DOCK5: variants seen among roughly 807,000 people sequenced by gnomAD.
DOCK5 encodes dedicator of cytokinesis protein 5.
Under a neutral mutation model 251.8 loss-of-function variants are expected in DOCK5, and 142 were observed. The observed-to-expected ratio is 0.56, with a 90% CI of 0.49 to 0.65. The LOEUF (loss-of-function observed/expected upper bound fraction) is 0.65, where lower values mean the gene tolerates loss of function less well. Ranked by LOEUF, DOCK5 falls within the 30% of genes least tolerant of loss-of-function variation. The pLI is 0.00. For synonymous variants in DOCK5, 842 were observed against 835.5 expected (o/e 1.01, Z -0.13); for missense variants, 2,111 against 2,312.3 (o/e 0.91, Z 1.79).
Position 25,209,444 on chromosome 8 carries a change from A to G in DOCK5, c.43+24493A>G, listed in dbSNP as rs374344682. 7.1e-5 allele frequency among the ~76,000 whole-genome samples: 5 copies of G among 70,434 alleles called. 2 individuals carry two copies. Among genetic ancestry groups the G allele is most frequent in the Admixed American group, 6.3e-4 (4 of 6,334 alleles). The allele number at this position is 70,434 out of a possible 152,430, so 46.2% of individuals were successfully genotyped here. ...ATCAGCACATGTGAATTCTGCTTCAAACTCTGCCACTAACCAGCTATTTGA... is the reference window on the plus strand; with the variant it reads ...ATCAGCACATGTGAATTCTGCTTCAGACTCTGCCACTAACCAGCTATTTGA... On this transcript the variant is annotated intron_variant, in intron 1 of 51. Transcript: ENST00000276440.
intron 3 of DOCK5, among the ~76,000 whole-genome samples, chr8:25,274,751 T>C (rs544469386): frequency 6.6e-6 from 1 of 152,268 alleles, no homozygotes; most frequent in South Asian, 2.1e-4. Flanking sequence ...AATCACTATG[T>C]AGTTGACCCG....
rs1800717469 is a variant in DOCK5, at chr8:25,363,160, G to C, written c.3044+19G>C. ...AAAACAGGTGAGACAGCCCATGGCT[G>C]GCCCTGAGGCATTTGTCTGAATACC... On this transcript the variant is annotated intron_variant, in intron 29 of 51. Transcript: ENST00000276440. 1.2e-6 allele frequency: 2 copies of C among 1,604,810 alleles called. No homozygotes were observed. The highest frequency in any genetic ancestry group is 1.7e-6 in the Non-Finnish European group (2 of 1,172,014).
rs766601059 is a variant in DOCK5 at position 25,391,505 on chromosome 8, G to T, written c.4356-391G>T. On this transcript the variant is annotated intron_variant, in intron 42 of 51. Transcript: ENST00000276440. Reference sequence around the variant, plus strand: ...ACAAAAAAATTAGCCAGTCGTGATGGTGCGTGCTTGTAATCTCGGCTACTC... The same window carrying T: ...ACAAAAAAATTAGCCAGTCGTGATGTTGCGTGCTTGTAATCTCGGCTACTC... Among the ~76,000 whole-genome samples, 127 of 152,186 alleles carry T rather than the reference G, an allele frequency of 8.3e-4. 1 individual carries two copies. The highest frequency in any genetic ancestry group is 3.4e-3 in the Middle Eastern group (1 of 294).
intron 1 of DOCK5, among the ~76,000 whole-genome samples, chr8:25,200,975 C>T (rs36069016): frequency 0.62 from 94,665 of 151,824 alleles, 32,253 homozygotes; most frequent in Non-Finnish European, 0.76. Context: ...GGTGCAATCT[C>T]GGCTCACTGC....
intron 1 of DOCK5, among the ~76,000 whole-genome samples, chr8:25,201,416 G>C (rs1019910339): frequency 4.6e-5 from 7 of 152,228 alleles, no homozygotes; most frequent in African/African-American, 1.7e-4. Context: ...TAGTCTAACA[G>C]TATCACTAAC....
chr8:25,296,591 C>G lies in DOCK5; in HGVS notation c.549C>G (p.Leu183=). Residue 183 remains leucine, a synonymous_variant, in exon 7 of 52, where the codon CTC becomes CTG. Transcript: ENST00000276440. ...CTGACGAAACCAGCACCATTGCCCT[C>G]TTCAAGGCCCATGAGGTGGCCTCCA... is the stretch of plus-strand genomic sequence containing the variant. ...LDPDETSTIA[L]FKAHEVASKR... 1 of 1,612,640 alleles carries G rather than the reference C, an allele frequency of 6.2e-7. No individual in the cohort carries two copies. The highest frequency in any genetic ancestry group is 8.5e-7 in the Non-Finnish European group (1 of 1,179,352).
chr8:25,335,489 AAATAAT>A lies in DOCK5; in HGVS notation c.2193-734_2193-729del, dbSNP rs533952667. Among the ~76,000 whole-genome samples the A allele has an allele frequency of 6.6e-5, 10 of 151,030 alleles. No homozygotes were observed. The South Asian group carries it at 1.7e-3, about 25-fold the overall frequency. On this transcript the variant is annotated intron_variant, in intron 21 of 51. Coordinates refer to ENST00000276440, the MANE Select transcript of DOCK5 (RefSeq NM_024940.8). ...TGGGTGACAGAATGAGACTCCATCT[AAATAAT>A]AATAATAATAATAATTATAAGTGAC...
In DOCK5 at chr8:25,369,470, G is replaced by A. The variant is rs905753070; in HGVS notation, c.3439-86G>A. 1.5e-5 allele frequency: 18 copies of A among 1,172,212 alleles called. No homozygotes were observed. The East Asian group carries it at 1.5e-4, about 10-fold the overall frequency. 72.6% of individuals were successfully genotyped at this position (1,172,212 alleles called of 1,614,324 possible). ...TGCTGGAAACAGTTCACAACTCAGCGAATGGGTTGGCCAAGTCTAGAAAGT... is the reference window on the plus strand; with the variant it reads ...TGCTGGAAACAGTTCACAACTCAGCAAATGGGTTGGCCAAGTCTAGAAAGT... On this transcript the variant is annotated intron_variant, in intron 33 of 51. Coordinates refer to ENST00000276440, the MANE Select transcript of DOCK5 (RefSeq NM_024940.8).
intron 38 of DOCK5, among the ~76,000 whole-genome samples, chr8:25,377,846 CAG>C (rs1800991651): frequency 6.6e-6 from 1 of 151,992 alleles, no homozygotes; most frequent in South Asian, 2.1e-4. Context: ...CCCAGCAAAT[CAG>C]TGTGTTCCTC....
chr8:25,336,885 C>A lies in DOCK5; in HGVS notation c.2327+512C>A, dbSNP rs149534713. On this transcript the variant is annotated intron_variant, in intron 22 of 51. Transcript: ENST00000276440. ...AAAGAGCAAGTACCTTTGCAGGGAACATTCACAACCCCAGTGACTTTCCTA... is the reference window on the plus strand; with the variant it reads ...AAAGAGCAAGTACCTTTGCAGGGAAAATTCACAACCCCAGTGACTTTCCTA... 1.7e-3 allele frequency among the ~76,000 whole-genome samples: 254 copies of A among 152,272 alleles called. 3 individuals are homozygous for A. The highest frequency in any genetic ancestry group is 3.1e-3 in the East Asian group (16 of 5,180).
In DOCK5 at chr8:25,377,000, A is replaced by G. The variant is rs558302453; in HGVS notation, c.3817-305A>G. 9.3e-4 allele frequency: 178 copies of G among 191,770 alleles called. 3 individuals carry two copies. The South Asian group carries it at 0.028, about 30-fold the overall frequency. The allele number at this position is 191,770 out of a possible 1,614,324, so 11.9% of individuals were successfully genotyped here. On this transcript the variant is annotated intron_variant, in intron 37 of 51. Coordinates refer to ENST00000276440, the MANE Select transcript of DOCK5 (RefSeq NM_024940.8). ...GTTTTACCTCTTCCTATTCATTTTT[A>G]TACTCCTAATTTGTTCCTTTTATCT...
At chr8:25,219,293 A>G (rs1314841880) in intron 1 of DOCK5, among the ~76,000 whole-genome samples, 3 of 152,034 alleles carry the variant, frequency 2.0e-5, no homozygotes, top group East Asian at 1.9e-4. Flanking sequence ...CTTCATTTCT[A>G]TGTCCTCCAA....
Position 25,275,373 on chromosome 8 carries a change from C to G in DOCK5, c.169-13C>G. 1 of 1,592,518 alleles carries G rather than the reference C, an allele frequency of 6.3e-7. No homozygotes were observed. Among genetic ancestry groups the G allele is most frequent in the Non-Finnish European group, 8.5e-7 (1 of 1,174,018 alleles). ...TTTTTATGGCCATATAACCAAAATT[C>G]TTTTCTCTGTAGGGCATTTTCCCTG... On this transcript the variant is annotated splice_polypyrimidine_tract_variant and intron_variant, in intron 3 of 51. Transcript: ENST00000276440.
chr8:25,364,129 A>C (rs905564820), intron 29 of DOCK5, among the ~76,000 whole-genome samples: 1 of 152,150 alleles, frequency 6.6e-6, no homozygotes, highest in East Asian at 1.9e-4. Flanking sequence ...AACTGAATAT[A>C]TATTATATTA....
chr8:25,377,468 A>T (rs751841453), intron 38 of DOCK5, 44 bp downstream of exon 38: 6 of 1,593,034 alleles, frequency 3.8e-6, no homozygotes, highest in Non-Finnish European at 5.1e-6. Context: ...GAGGAAAATG[A>T]CCGCAGTATC....
intron 1 of DOCK5, among the ~76,000 whole-genome samples, chr8:25,203,032 CCTTTT>C (rs1468809219): frequency 2.0e-5 from 3 of 152,186 alleles, no homozygotes; most frequent in Non-Finnish European, 2.9e-5. Flanking sequence ...TGGCTGCTTT[CCTTTT>C]CTTTAGCTTG....
At chr8:25,284,061 A>G (rs1445686719) in intron 5 of DOCK5, among the ~76,000 whole-genome samples, 1 of 152,232 alleles carries the variant, frequency 6.6e-6, no homozygotes, top group Non-Finnish European at 1.5e-5. Context: ...TCAGAAAAAA[A>G]TGACAAACCC....
intron 3 of DOCK5, among the ~76,000 whole-genome samples, chr8:25,271,598 G>C (rs1032982858): frequency 3.3e-5 from 5 of 152,206 alleles, no homozygotes; most frequent in Non-Finnish European, 7.3e-5. Flanking sequence ...GATGATAAAA[G>C]GAGCTAGTTG....
At chr8:25,298,855 T>G (rs1211512848) in intron 7 of DOCK5, 89 bp from the exon 8 acceptor site, 2 of 1,391,552 alleles carry the variant, frequency 1.4e-6, no homozygotes, top group Non-Finnish European at 1.9e-6. Context: ...GTCTGCCATT[T>G]GCAGGCTTAT....
Sources: allele counts gnomAD v4.1 joint callset (sites outside exome capture counted in the v4.1 genomes callset), GRCh38; gene constraint gnomAD v4.1.1; transcripts MANE v1.5; gene names NCBI Gene and HGNC (gene_info 2026-07-23, HGNC 2026-07-21).